The following KLF9 variants were observed in gnomAD, a reference collection of about 807,000 sequenced individuals.
The protein encoded by KLF9 is Krueppel-like factor 9.
In KLF9, 2 loss-of-function variants were observed where a neutral mutation model predicts 17.3. That is an observed-to-expected ratio of 0.12 (90% CI 0.05 to 0.36). The LOEUF is 0.36. KLF9 is among the 10% of genes least tolerant of loss of function. KLF9 has a pLI of 1.00. For synonymous variants in KLF9, 138 were observed against 139.2 expected (o/e 0.99, Z 0.06); for missense variants, 226 against 333.2 (o/e 0.68, Z 2.51).
intron 1 of KLF9, among the ~76,000 whole-genome samples, chr9:70,397,165 A>G (rs1425700829): frequency 6.6e-6 from 1 of 152,218 alleles, no homozygotes; most frequent in African/African-American, 2.4e-5. Context: ...ACTAATTGTC[A>G]GAAAGTCAGA....
intron 1 of KLF9, among the ~76,000 whole-genome samples, chr9:70,390,539 C>A (rs894946353): frequency 4.6e-5 from 7 of 152,080 alleles, no homozygotes; most frequent in African/African-American, 1.7e-4. Context: ...TTGTTACAAC[C>A]CCATCAAGGC....
chr9:70,387,962 C>A lies in KLF9; in HGVS notation c.549G>T (p.Lys183Asn), dbSNP rs749447464. 2 of 1,613,668 alleles carry A rather than the reference C, an allele frequency of 1.2e-6. No homozygotes were observed. ...FPCTWPDCLK[K>N]FSRSDELTRH... ...GGGTCAGCTCGTCTGAGCGGGAGAA[C>A]TTTTTAAGGCAGTCTGGCCACGTGC... The change falls in exon 2 of 2, where the codon AAG becomes AAT. Residue 183 changes from lysine (K) to asparagine (N), a missense_variant. Coordinates refer to ENST00000377126, the MANE Select transcript of KLF9 (RefSeq NM_001206.4).
chr9:70,408,773 T>C (rs939495058), intron 1 of KLF9, among the ~76,000 whole-genome samples: 1 of 151,422 alleles, frequency 6.6e-6, no homozygotes, highest in Non-Finnish European at 1.5e-5. Flanking sequence ...TAAGTTAGAG[T>C]TGGCTAGTGA....
chr9:70,408,708 G>A (rs889564273), intron 1 of KLF9, among the ~76,000 whole-genome samples: 2 of 152,074 alleles, frequency 1.3e-5, no homozygotes, highest in Non-Finnish European at 2.9e-5. Flanking sequence ...GTAATTAAGG[G>A]AGAAGAGTGC....
At chr9:70,401,779 C>G (rs2037224043) in intron 1 of KLF9, among the ~76,000 whole-genome samples, 1 of 151,350 alleles carries the variant, frequency 6.6e-6, no homozygotes, top group African/African-American at 2.4e-5. Context: ...CTTTGGGAGG[C>G]CAAGGTGGGT....
At chr9:70,399,680 A>G (rs1206773703) in intron 1 of KLF9, among the ~76,000 whole-genome samples, 1 of 152,192 alleles carries the variant, frequency 6.6e-6, no homozygotes, top group Non-Finnish European at 1.5e-5. Flanking sequence ...CCAGGTTTCA[A>G]ATTGCTCCTT....
At position 70,385,681 on chromosome 9, in the gene KLF9, G is replaced by C. The variant is rs1202027719; in HGVS notation, c.*2095C>G. 1 of 152,610 alleles carries C rather than the reference G, an allele frequency of 6.6e-6. No homozygotes were observed. Among genetic ancestry groups the C allele is most frequent in the East Asian group, 1.9e-4 (1 of 5,204 alleles). 9.5% of individuals were successfully genotyped at this position (152,610 alleles called of 1,614,324 possible). A position where few individuals can be genotyped will look rare whatever the true frequency, so the allele number is the denominator to read the frequency against. ...TATCATAAGCAGAACCATTCCATGA[G>C]CTCAGTGAGAAATAGGCAGCCTAAC... is the stretch of plus-strand genomic sequence containing the variant. On this transcript the variant is annotated 3_prime_UTR_variant, in exon 2 of 2. Coordinates refer to ENST00000377126, the MANE Select transcript of KLF9 (RefSeq NM_001206.4).
At chr9:70,412,680 T>G (rs1324340617) in intron 1 of KLF9, among the ~76,000 whole-genome samples, 179 bp downstream of exon 1, 1 of 152,182 alleles carries the variant, frequency 6.6e-6, no homozygotes, top group Non-Finnish European at 1.5e-5. Flanking sequence ...CGGGGACAAT[T>G]AAGGAGAGAG....
intron 1 of KLF9, among the ~76,000 whole-genome samples, chr9:70,402,536 C>G (rs2037228838): frequency 6.6e-6 from 1 of 152,088 alleles, no homozygotes. Context: ...GAATTAAAAC[C>G]AAGTCAATGG....
At chr9:70,402,676 A>G (rs1240065225) in intron 1 of KLF9, among the ~76,000 whole-genome samples, 1 of 152,192 alleles carries the variant, frequency 6.6e-6, no homozygotes, top group African/African-American at 2.4e-5. Flanking sequence ...AAAATCATCT[A>G]TCTTCTGCAA....
intron 1 of KLF9, among the ~76,000 whole-genome samples, chr9:70,403,462 G>C (rs1442583716): frequency 1.3e-5 from 2 of 152,266 alleles, no homozygotes; most frequent in East Asian, 3.9e-4. Context: ...ATGGAAAACT[G>C]TCTTTCCTTG....
chr9:70,409,153 TATATATAC>T (rs2037289193), intron 1 of KLF9, among the ~76,000 whole-genome samples: 1 of 66,462 alleles, frequency 1.5e-5, no homozygotes, highest in African/African-American at 3.8e-5. Context: ...TGTATATGTA[TATATATAC>T]ACATATATGT....
rs779665486 is a variant in KLF9 at position 70,387,905 on chromosome 9, C to T, written c.606G>A (p.Gln202=). The change falls in exon 2 of 2, where the codon CAG becomes CAA. Residue 202 remains glutamine (Q), a synonymous_variant. Transcript: ENST00000377126. The stretch of plus-strand genomic sequence containing the variant: ...GCTTCTCACACAGCGGACAGCGGAA[C>T]TGCTTTTCCCCAGTGTGGGTCCGGT... ...RHYRTHTGEK[Q]FRCPLCEKRF... 6.2e-7 allele frequency: 1 copy of T among 1,614,144 alleles called. No individual in the cohort carries two copies. The highest frequency in any genetic ancestry group is 1.1e-5 in the South Asian group (1 of 91,086).
At chr9:70,411,376 C>A (rs895379393) in intron 1 of KLF9, among the ~76,000 whole-genome samples, 2 of 152,178 alleles carry the variant, frequency 1.3e-5, no homozygotes, top group Non-Finnish European at 2.9e-5. Context: ...AGTTAATATA[C>A]CCCTACTTCA....
At chr9:70,389,239 T>C (rs144325052) in intron 1 of KLF9, among the ~76,000 whole-genome samples, 61 of 152,308 alleles carry the variant, frequency 4.0e-4, no homozygotes, top group African/African-American at 1.4e-3. Context: ...TCTTCTCCCA[T>C]TTCCAAACAA....
At chr9:70,401,686 CAAA>C (rs34988097) in intron 1 of KLF9, among the ~76,000 whole-genome samples, 1 of 66,506 alleles carries the variant, frequency 1.5e-5, no homozygotes, top group Non-Finnish European at 3.0e-5. Flanking sequence ...GACTCCTTCA[CAAA>C]AAAAAAAAAA....
Position 70,413,395 on chromosome 9 carries a change from A to G in KLF9, c.-32T>C, listed in dbSNP as rs1391853511. 10 of 1,463,656 alleles carry G rather than the reference A, an allele frequency of 6.8e-6. No homozygotes were observed. Among genetic ancestry groups the G allele is most frequent in the Non-Finnish European group, 9.0e-6 (10 of 1,110,004 alleles). The allele number at this position is 1,463,656 out of a possible 1,614,324, so 90.7% of individuals were successfully genotyped here. ...GGCGACGGCAGCCCAGGCGGCGCGG[A>G]CAAACTTGGCGGTGGCTGCGGAGGT... On this transcript the variant is annotated 5_prime_UTR_variant, in exon 1 of 2. Transcript: ENST00000377126. This position sits in a 1 kb window ranked among gnomAD's most constrained non-coding sequence, Gnocchi z 5.6.
At chr9:70,392,283 G>A (rs2037157722) in intron 1 of KLF9, among the ~76,000 whole-genome samples, 4 of 152,192 alleles carry the variant, frequency 2.6e-5, no homozygotes, top group African/African-American at 7.2e-5. Flanking sequence ...TCGGGGACAG[G>A]GTGGGAGCAG....
At chr9:70,402,344 T>A (rs1224928537) in intron 1 of KLF9, among the ~76,000 whole-genome samples, 2 of 152,238 alleles carry the variant, frequency 1.3e-5, no homozygotes, top group Non-Finnish European at 2.9e-5. Context: ...TTGCCTCTTA[T>A]GATTTATTAC....
Sources: gnomAD v4.1 joint callset for allele counts (sites outside exome capture counted in the v4.1 genomes callset) on GRCh38, gnomAD v4.1.1 for gene constraint, Gnocchi (gnomAD v3.1) non-coding constraint, MANE v1.5 for transcripts, NCBI Gene and HGNC (gene_info 2026-07-23, HGNC 2026-07-21) for gene names.